The following VGLL4 variants were observed in gnomAD, a reference collection of about 807,000 sequenced individuals.
The protein encoded by VGLL4 is transcription cofactor vestigial-like protein 4.
In VGLL4, 7 loss-of-function variants were observed where a neutral mutation model predicts 21.0. The observed-to-expected ratio is 0.33, with a 90% CI of 0.19 to 0.63. The LOEUF is 0.63. Among genes scored for constraint, VGLL4 ranks in the 20% least tolerant of loss-of-function variants. The probability of loss-of-function intolerance (pLI) is 0.78; values close to 1 mark genes in which losing one functional copy is unlikely to be tolerated. For synonymous variants in VGLL4, 222 were observed against 173.2 expected (o/e 1.28, Z -2.21); for missense variants, 394 against 425.7 (o/e 0.93, Z 0.66).
In VGLL4 at chr3:11,575,315, G is replaced by A. The variant is rs549879049; in HGVS notation, c.273-10296C>T. On this transcript the variant is annotated intron_variant, in intron 2 of 4. Coordinates refer to ENST00000430365, the MANE Select transcript of VGLL4 (RefSeq NM_001128219.3). ...GTGTGGACTCTGTCTCTCTAACTGC[G>A]CCAAGGGTTTCCAGTCACTGTGCTC... Among the ~76,000 whole-genome samples the A allele has an allele frequency of 2.7e-3, 412 of 152,290 alleles. 2 individuals are homozygous for A. The highest frequency in any genetic ancestry group is 9.4e-3 in the African/African-American group (390 of 41,558).
At chr3:11,582,942 C>T (rs1020485791) in intron 2 of VGLL4, among the ~76,000 whole-genome samples, 2 of 152,186 alleles carry the variant, frequency 1.3e-5, no homozygotes, top group African/African-American at 2.4e-5. Flanking sequence ...TGACTCCAGG[C>T]ACTGGAGAAG....
intron 2 of VGLL4, among the ~76,000 whole-genome samples, chr3:11,697,215 C>T (rs2076617371): frequency 1.3e-5 from 2 of 152,102 alleles, no homozygotes; most frequent in South Asian, 2.1e-4. Context: ...ATCCTCCTGC[C>T]TCAGCCTCTG....
At chr3:11,664,478 T>C (rs2076081530) in intron 2 of VGLL4, among the ~76,000 whole-genome samples, 1 of 152,136 alleles carries the variant, frequency 6.6e-6, no homozygotes. Context: ...GTCTGTAAAA[T>C]AAGGGAATTG....
At position 11,561,916 on chromosome 3, in the gene VGLL4, T is replaced by TA. The variant is rs1553719589; in HGVS notation, c.496-2462dup. On this transcript the variant is annotated intron_variant, in intron 3 of 4. Coordinates refer to ENST00000430365, the MANE Select transcript of VGLL4 (RefSeq NM_001128219.3). ...CTTTTTTTTTTTTTTTTTTTTTTTT[T>TA]AAAGACAAAGTCTCACTCTGTCGTC... is the stretch of plus-strand genomic sequence containing the variant. Among the ~76,000 whole-genome samples, 17 of 148,366 alleles carry TA rather than the reference T, an allele frequency of 1.1e-4. No individual in the cohort carries two copies. In the South Asian group the frequency reaches 1.9e-3, roughly 17 times the overall value.
intron 2 of VGLL4, among the ~76,000 whole-genome samples, chr3:11,578,739 G>A (rs1023343782): frequency 7.9e-5 from 10 of 125,874 alleles, no homozygotes; most frequent in Middle Eastern, 4.5e-3. Context: ...GGCATCTACT[G>A]TATATTTTCT....
intron 1 of VGLL4, among the ~76,000 whole-genome samples, chr3:11,630,542 A>AG (rs1303855735): frequency 2.6e-5 from 4 of 152,268 alleles, no homozygotes; most frequent in African/African-American, 9.6e-5. Flanking sequence ...GCTACTGGGG[A>AG]GGGTGAGAGA....
chr3:11,674,566 C>A (rs2076263400), intron 2 of VGLL4, among the ~76,000 whole-genome samples: 1 of 152,090 alleles, frequency 6.6e-6, no homozygotes, highest in East Asian at 1.9e-4. Context: ...CTTTACATGG[C>A]AGAGATGAAA....
intron 2 of VGLL4, among the ~76,000 whole-genome samples, chr3:11,585,337 G>A (rs1268266993): frequency 6.6e-6 from 1 of 151,948 alleles, no homozygotes; most frequent in Admixed American, 6.6e-5. Flanking sequence ...TTAGGAGGCT[G>A]AGGCAGAACT....
In VGLL4 at chr3:11,608,791, T is replaced by A. The variant is rs545318587; in HGVS notation, c.83-6769A>T. On this transcript the variant is annotated intron_variant, in intron 1 of 4. Transcript: ENST00000430365. ...ATTAACAGCCAAGATTGCTTCTTTT[T>A]CAGTGGTACATAAAATAATGATTCA... Among the ~76,000 whole-genome samples, 12 of 152,364 alleles carry A rather than the reference T, an allele frequency of 7.9e-5. No homozygotes were observed. The East Asian group carries it at 2.3e-3, about 29-fold the overall frequency.
chr3:11,564,875 G>C lies in VGLL4; in HGVS notation c.417C>G (p.Leu139=). 1 of 1,609,384 alleles carries C rather than the reference G, an allele frequency of 6.2e-7. No homozygotes were observed. The highest frequency in any genetic ancestry group is 8.5e-7 in the Non-Finnish European group (1 of 1,178,612). Residue 139 remains leucine (L), a synonymous_variant, in exon 3 of 5, where the codon CTC becomes CTG. Transcript: ENST00000430365. ...SLPSLGLEQP[L]ALTKNSLDAS... The stretch of plus-strand genomic sequence containing the variant: ...CGTCCAGGCTGTTCTTGGTCAGTGC[G>C]AGGGGCTGCTCCAGGCCAAGGCTGG...
In VGLL4 at chr3:11,719,966, G is replaced by A. The variant is rs921578383; in HGVS notation, c.-14+428C>T. Among the ~76,000 whole-genome samples the A allele has an allele frequency of 1.3e-5, 2 of 152,004 alleles. No individual in the cohort carries two copies. Among genetic ancestry groups the A allele is most frequent in the East Asian group, 3.9e-4 (2 of 5,146 alleles). On this transcript the variant is annotated intron_variant, in intron 1 of 5. Transcript: ENST00000273038. The surrounding 1 kb of genome is among the most constrained non-coding windows in gnomAD (Gnocchi z 4.0). ...GCATCTCGCACGCCCCCGCCCCCGA[G>A]GCCCCGCCAGGGGACACAGCGCCGT...
At chr3:11,648,955 T>C (rs926279721) in intron 2 of VGLL4, among the ~76,000 whole-genome samples, 1 of 152,232 alleles carries the variant, frequency 6.6e-6, no homozygotes, top group Non-Finnish European at 1.5e-5. Context: ...ATAAAGCAGG[T>C]TGGCACACAC....
intron 1 of VGLL4, among the ~76,000 whole-genome samples, chr3:11,626,041 T>G (rs2075346324): frequency 6.6e-6 from 1 of 152,206 alleles, no homozygotes; most frequent in Non-Finnish European, 1.5e-5. Context: ...AATGGCATGG[T>G]GTACGAATTA....
At chr3:11,716,786 G>T (rs1172947816) in intron 1 of VGLL4, among the ~76,000 whole-genome samples, 2 of 151,970 alleles carry the variant, frequency 1.3e-5, no homozygotes, top group African/African-American at 4.8e-5. Context: ...TAGTTCTTAT[G>T]ATACTGGGTT....
intron 2 of VGLL4, among the ~76,000 whole-genome samples, chr3:11,566,326 C>A (rs944174119): frequency 6.6e-6 from 1 of 151,250 alleles, no homozygotes; most frequent in Admixed American, 6.6e-5. Context: ...GCACCCTTTA[C>A]CTTGACTCCC....
chr3:11,703,060 A>G, intron 1 of VGLL4: 1 of 1,533,156 alleles, frequency 6.5e-7, no homozygotes, highest in Non-Finnish European at 8.7e-7. Context: ...AAGAGGAAAA[A>G]ATAAAAGGGG....
chr3:11,569,028 C>T, intron 2 of VGLL4: 11 of 780,942 alleles, frequency 1.4e-5, no homozygotes, highest in South Asian at 1.4e-4. Context: ...TACTGAAAGC[C>T]ACACGCTCTC....
At chr3:11,691,420 G>A (rs1036648075) in intron 2 of VGLL4, among the ~76,000 whole-genome samples, 6 of 152,008 alleles carry the variant, frequency 3.9e-5, no homozygotes, top group African/African-American at 7.3e-5. Flanking sequence ...GCTGGTAAAC[G>A]TTAACAACTG....
At chr3:11,654,620 A>G (rs2075929414) in intron 2 of VGLL4, among the ~76,000 whole-genome samples, 1 of 152,220 alleles carries the variant, frequency 6.6e-6, no homozygotes, top group Non-Finnish European at 1.5e-5. Flanking sequence ...AAGATTATTA[A>G]CCTGCACCTG....
Sources: gnomAD v4.1 joint callset for allele counts (sites outside exome capture counted in the v4.1 genomes callset) on GRCh38, gnomAD v4.1.1 for gene constraint, Gnocchi (gnomAD v3.1) non-coding constraint, MANE v1.5 for transcripts, NCBI Gene and HGNC (gene_info 2026-07-23, HGNC 2026-07-21) for gene names.